The following GNAQ variants were observed in gnomAD, a reference collection of about 807,000 sequenced individuals.
GNAQ encodes G protein subunit alpha q, also known as guanine nucleotide-binding protein G(q) subunit alpha.
Under a neutral mutation model 43.9 loss-of-function variants are expected in GNAQ, and 8 were observed. The observed-to-expected ratio is 0.18, with a 90% CI of 0.11 to 0.33. GNAQ has a LOEUF of 0.33. GNAQ is among the 10% of genes least tolerant of loss of function. The pLI is 1.00. For synonymous variants in GNAQ, 155 were observed against 170.7 expected (o/e 0.91, Z 0.71); for missense variants, 158 against 450.8 (o/e 0.35, Z 5.88).
chr9:77,874,366 G>A (rs892901747), intron 2 of GNAQ, among the ~76,000 whole-genome samples: 4 of 152,170 alleles, frequency 2.6e-5, no homozygotes, highest in East Asian at 1.9e-4. Context: ...GCACTGGCCC[G>A]CGTTCCAAGA....
chr9:77,889,699 T>C (rs1042915168), intron 2 of GNAQ, among the ~76,000 whole-genome samples: 1 of 152,204 alleles, frequency 6.6e-6, no homozygotes, highest in African/African-American at 2.4e-5. Context: ...TTCCCTTTAT[T>C]ATCACAGTCT....
chr9:77,834,628 T>G (rs75453383), intron 2 of GNAQ, among the ~76,000 whole-genome samples: 35 of 152,320 alleles, frequency 2.3e-4, no homozygotes, highest in African/African-American at 7.2e-4. Flanking sequence ...AAGCCTTGCC[T>G]GCAGTTGTTT....
At chr9:78,029,541 T>C (rs1824024056) in intron 1 of GNAQ, among the ~76,000 whole-genome samples, 1 of 152,088 alleles carries the variant, frequency 6.6e-6, no homozygotes, top group Admixed American at 6.5e-5. Context: ...AGCCCAACTC[T>C]TTCATCCAGT....
chr9:77,943,369 T>C (rs1829341421), intron 1 of GNAQ, among the ~76,000 whole-genome samples: 1 of 152,224 alleles, frequency 6.6e-6, no homozygotes. Context: ...AAAAATATGT[T>C]GTAACAGATT....
intron 5 of GNAQ, among the ~76,000 whole-genome samples, chr9:77,738,415 T>C (rs1454581242): frequency 6.6e-6 from 1 of 152,236 alleles, no homozygotes; most frequent in Admixed American, 6.5e-5. Flanking sequence ...TTATTTGAAA[T>C]AATTCAATTT....
At chr9:77,809,181 C>A (rs182632518) in intron 3 of GNAQ, among the ~76,000 whole-genome samples, 1 of 152,304 alleles carries the variant, frequency 6.6e-6, no homozygotes, top group Admixed American at 6.5e-5. Flanking sequence ...AAAAGCCAAT[C>A]TACTCATGTT....
At chr9:77,788,809 A>G (rs1216311157) in intron 5 of GNAQ, among the ~76,000 whole-genome samples, 1 of 152,152 alleles carries the variant, frequency 6.6e-6, no homozygotes, top group East Asian at 1.9e-4. Context: ...ACACGCTTTT[A>G]TGTTATGGCA....
intron 5 of GNAQ, among the ~76,000 whole-genome samples, chr9:77,780,903 C>G (rs1436911900): frequency 6.8e-6 from 1 of 147,734 alleles, no homozygotes; most frequent in Non-Finnish European, 1.5e-5. Flanking sequence ...GACTGTGTGT[C>G]TTCCTTTGAG....
At chr9:77,965,640 T>G (rs1341561623) in intron 1 of GNAQ, among the ~76,000 whole-genome samples, 1 of 152,130 alleles carries the variant, frequency 6.6e-6, no homozygotes, top group African/African-American at 2.4e-5. Flanking sequence ...AAACCACAAT[T>G]AGATACTTCA....
intron 1 of GNAQ, among the ~76,000 whole-genome samples, chr9:77,936,447 C>T (rs1433905260): frequency 1.3e-5 from 2 of 151,934 alleles, no homozygotes; most frequent in African/African-American, 2.4e-5. Context: ...TTTAAAAAAA[C>T]GATCAGAAAC....
intron 5 of GNAQ, among the ~76,000 whole-genome samples, chr9:77,732,613 G>C (rs1405331051): frequency 6.6e-6 from 1 of 152,154 alleles, no homozygotes; most frequent in Non-Finnish European, 1.5e-5. Flanking sequence ...TGATCTGCCT[G>C]CCTTGGCCTC....
At position 77,716,176 on chromosome 9, in the gene GNAQ, G is replaced by T; in HGVS notation, c.*5147C>A. On this transcript the variant is annotated 3_prime_UTR_variant, in exon 7 of 7. Transcript: ENST00000286548. The stretch of plus-strand genomic sequence containing the variant: ...CAAGGTGTGTTAAGGAAGGAAAGAT[G>T]TATTTCAGTACTCCTACTAATACAA... The T allele has an allele frequency of 1.0e-5, 2 of 198,294 alleles. No individual in the cohort carries two copies. The highest frequency in any genetic ancestry group is 2.1e-5 in the Non-Finnish European group (2 of 96,028). The allele number at this position is 198,294 out of a possible 1,614,324, so 12.3% of individuals were successfully genotyped here.
At chr9:77,925,479 G>C (rs1209931318) in intron 1 of GNAQ, among the ~76,000 whole-genome samples, 1 of 152,080 alleles carries the variant, frequency 6.6e-6, no homozygotes. Context: ...TCTGGGCTTT[G>C]ACTACACCCA....
chr9:77,730,159 T>C (rs759407415), intron 5 of GNAQ, among the ~76,000 whole-genome samples: 1 of 152,224 alleles, frequency 6.6e-6, no homozygotes, highest in Non-Finnish European at 1.5e-5. Context: ...AAAAGAACCT[T>C]TTGTTTTTTC....
At chr9:77,822,745 T>C (rs1052151529) in intron 2 of GNAQ, among the ~76,000 whole-genome samples, 5 of 151,730 alleles carry the variant, frequency 3.3e-5, no homozygotes, top group Non-Finnish European at 7.4e-5. Context: ...ATTCAAGAAA[T>C]TGTGTTAGGA....
At chr9:77,957,037 T>C (rs1225041369) in intron 1 of GNAQ, among the ~76,000 whole-genome samples, 1 of 152,056 alleles carries the variant, frequency 6.6e-6, no homozygotes, top group African/African-American at 2.4e-5. Context: ...CGGAACAGAA[T>C]GATAGAAATA....
chr9:77,742,510 TTTTAAATAAAGTG>T (rs1825668952), intron 5 of GNAQ, among the ~76,000 whole-genome samples: 1 of 152,126 alleles, frequency 6.6e-6, no homozygotes. Flanking sequence ...TTTTTCAACA[TTTTAAATAAAGTG>T]TTTTAAAAAA....
chr9:77,763,150 A>AC (rs1554714138), intron 5 of GNAQ, among the ~76,000 whole-genome samples: 10 of 151,730 alleles, frequency 6.6e-5, no homozygotes, highest in Non-Finnish European at 1.3e-4. Flanking sequence ...ACAAAAAAAA[A>AC]AAAAACAAAG....
intron 2 of GNAQ, among the ~76,000 whole-genome samples, chr9:77,831,756 C>T (rs1827301136): frequency 6.6e-6 from 1 of 152,166 alleles, no homozygotes; most frequent in South Asian, 2.1e-4. Flanking sequence ...TATCTGATCA[C>T]AGAAATACTG....
Sources: gnomAD v4.1 joint callset for allele counts (sites outside exome capture counted in the v4.1 genomes callset) on GRCh38, gnomAD v4.1.1 for gene constraint, MANE v1.5 for transcripts, NCBI Gene and HGNC (gene_info 2026-07-23, HGNC 2026-07-21) for gene names.